The following ABI2 variants were observed in gnomAD, a reference collection of about 807,000 sequenced individuals.
The protein encoded by ABI2 is abelson interactor 2.
A neutral mutation model predicts 59.2 loss-of-function variants in ABI2; 25 were observed. The ratio of observed to expected loss-of-function variants is 0.42; its 90% CI spans 0.31 to 0.59. The LOEUF (loss-of-function observed/expected upper bound fraction) is 0.59. ABI2 is among the 20% of genes least tolerant of loss of function. ABI2 has a pLI of 0.14. For synonymous variants in ABI2, 213 were observed against 235.5 expected, an observed-to-expected ratio of 0.90 and a Z score of 0.87; for missense variants, 545 against 681.8, an observed-to-expected ratio of 0.80 and a Z score of 2.23.
chr2:203,359,856 C>G (rs1451587450), intron 1 of ABI2, among the ~76,000 whole-genome samples: 1 of 151,090 alleles, frequency 6.6e-6, no homozygotes, highest in Admixed American at 6.6e-5. Flanking sequence ...GGGGGGGGGA[C>G]ACAAAAATTC....
At chr2:203,338,963 A>AAT (rs1491155859) in intron 1 of ABI2, among the ~76,000 whole-genome samples, 6 of 9,974 alleles carry the variant, frequency 6.0e-4, no homozygotes, top group East Asian at 3.5e-3. Flanking sequence ...TATATATATA[A>AAT]ATATATATAT....
At chr2:203,402,405 A>G (rs913788722) in intron 8 of ABI2, among the ~76,000 whole-genome samples, 171 bp from the exon 9 acceptor site, 6 of 152,106 alleles carry the variant, frequency 3.9e-5, no homozygotes, top group Admixed American at 1.3e-4. Context: ...CTGCTTTTGT[A>G]CTCTGATATA....
intron 1 of ABI2, among the ~76,000 whole-genome samples, chr2:203,331,772 G>T (rs1429485156): frequency 6.8e-6 from 1 of 147,978 alleles, no homozygotes; most frequent in Non-Finnish European, 1.5e-5. Flanking sequence ...AAAAAAATCT[G>T]TTTATCATGT....
chr2:203,391,000 C>G (rs745954384), intron 4 of ABI2, 46 bp from the exon 5 acceptor site: 1 of 1,510,654 alleles, frequency 6.6e-7, no homozygotes, highest in African/African-American at 1.4e-5. Context: ...AAAAGTGCCA[C>G]TTTATTTCAC....
intron 2 of ABI2, chr2:203,374,789 G>A: frequency 4.5e-6 from 2 of 447,602 alleles, no homozygotes; most frequent in Non-Finnish European, 9.1e-6. Flanking sequence ...CAATTTAGTT[G>A]GGTTAATCCA....
chr2:203,370,253 C>CT (rs1292758028), intron 2 of ABI2, among the ~76,000 whole-genome samples: 16 of 121,458 alleles, frequency 1.3e-4, no homozygotes, highest in East Asian at 2.6e-4. Flanking sequence ...TGTGTGTGTA[C>CT]TTTTTTTTTT....
In ABI2 at chr2:203,328,505, G is replaced by A. The variant is rs771625013; in HGVS notation, c.-10G>A. 1.9e-6 allele frequency: 3 copies of A among 1,594,598 alleles called. No individual in the cohort carries two copies. Among genetic ancestry groups the A allele is most frequent in the Non-Finnish European group, 2.6e-6 (3 of 1,169,212 alleles). On this transcript the variant is annotated 5_prime_UTR_variant, in exon 1 of 12. Transcript: ENST00000261018. Reference sequence around the variant, plus strand: ...ACCTGTATGAGGAGGAGGAGGAGGAGGATGTGAAGATGGCGGAGCTGCAGA... The same window carrying A: ...ACCTGTATGAGGAGGAGGAGGAGGAAGATGTGAAGATGGCGGAGCTGCAGA...
intron 1 of ABI2, among the ~76,000 whole-genome samples, chr2:203,332,692 G>C (rs2074399064): frequency 6.6e-6 from 1 of 152,044 alleles, no homozygotes; most frequent in African/African-American, 2.4e-5. Context: ...AAAATGTTTT[G>C]GTTAACTTGG....
intron 2 of ABI2, chr2:203,376,167 A>G (rs1277909588): frequency 6.1e-6 from 9 of 1,470,124 alleles, no homozygotes; most frequent in Non-Finnish European, 8.2e-6. Context: ...TCCTCTATAG[A>G]TCTTTGGTTC....
In ABI2 at chr2:203,328,421, C is replaced by T; in HGVS notation, c.-94C>T. On this transcript the variant is annotated 5_prime_UTR_variant, in exon 1 of 12. Coordinates refer to ENST00000261018, the MANE Select transcript of ABI2 (RefSeq NM_001375670.1). ...TTCCGAGTTACCGCCGCCGTCGCCG[C>T]CGCTCCTCCTCTCCCGGTCCTGGGT... 2 of 1,052,880 alleles carry T rather than the reference C, an allele frequency of 1.9e-6. No homozygotes were observed. Among genetic ancestry groups the T allele is most frequent in the Non-Finnish European group, 2.8e-6 (2 of 714,126 alleles). 65.2% of individuals were successfully genotyped at this position (1,052,880 alleles called of 1,614,324 possible).
intron 11 of ABI2, among the ~76,000 whole-genome samples, chr2:203,421,748 C>T (rs1393374238): frequency 6.6e-6 from 1 of 152,020 alleles, no homozygotes; most frequent in Admixed American, 6.6e-5. Context: ...CGGCAGATGA[C>T]AAGGTCAAGA....
chr2:203,395,022 A>C, intron 6 of ABI2, 176 bp downstream of exon 6: 1 of 787,750 alleles, frequency 1.3e-6, no homozygotes, highest in Non-Finnish European at 2.2e-6. Context: ...TTGAGCAGTC[A>C]GGAAGTTGAT....
intron 1 of ABI2, 133 bp downstream of exon 1, chr2:203,328,764 G>C (rs2070320565): frequency 4.2e-6 from 2 of 472,242 alleles, no homozygotes; most frequent in Admixed American, 4.4e-5. Flanking sequence ...AGCTGGGTGA[G>C]GGCTGGGGCT....
intron 2 of ABI2, among the ~76,000 whole-genome samples, chr2:203,368,915 C>A (rs548303996): frequency 1.2e-4 from 18 of 148,592 alleles, no homozygotes; most frequent in African/African-American, 3.7e-4. Flanking sequence ...CTCCTGGGCT[C>A]AAGGGATCCT....
intron 9 of ABI2, among the ~76,000 whole-genome samples, chr2:203,411,013 T>C (rs2097650312): frequency 6.6e-6 from 1 of 151,154 alleles, no homozygotes; most frequent in Non-Finnish European, 1.5e-5. Context: ...GTTTTATATA[T>C]ATAAAACATA....
intron 1 of ABI2, among the ~76,000 whole-genome samples, chr2:203,354,685 C>T (rs1046198934): frequency 6.7e-6 from 1 of 148,906 alleles, no homozygotes; most frequent in African/African-American, 2.4e-5. Context: ...GTTCCCAAGG[C>T]CCCAGTTCAC....
At chr2:203,421,850 G>C (rs1216610114) in intron 11 of ABI2, among the ~76,000 whole-genome samples, 1 of 151,618 alleles carries the variant, frequency 6.6e-6, no homozygotes, top group Non-Finnish European at 1.5e-5. Flanking sequence ...TGTAGTCCCA[G>C]CAACTCAGGA....
At chr2:203,390,915 T>G (rs1375045162) in intron 4 of ABI2, 131 bp from the exon 5 acceptor site, 6 of 681,718 alleles carry the variant, frequency 8.8e-6, no homozygotes, top group Non-Finnish European at 1.6e-5. Flanking sequence ...GCATATGAAA[T>G]GCATGGCCTC....
At chr2:203,410,586 T>G (rs2097626262) in intron 9 of ABI2, among the ~76,000 whole-genome samples, 1 of 152,212 alleles carries the variant, frequency 6.6e-6, no homozygotes, top group Non-Finnish European at 1.5e-5. Flanking sequence ...GCCTGCACTT[T>G]TCTATACCAT....
Sources: gnomAD v4.1 joint callset for allele counts (sites outside exome capture counted in the v4.1 genomes callset) on GRCh38, gnomAD v4.1.1 for gene constraint, MANE v1.5 for transcripts, NCBI Gene and HGNC (gene_info 2026-07-23, HGNC 2026-07-21) for gene names.